The following EFCAB6 variants were observed in gnomAD, a reference collection of about 807,000 sequenced individuals.
EFCAB6 encodes EF-hand calcium binding domain 6.
A neutral mutation model predicts 169.8 loss-of-function variants in EFCAB6; 156 were observed. The observed-to-expected ratio is 0.92, with a 90% CI of 0.81 to 1.05. The LOEUF (loss-of-function observed/expected upper bound fraction) is 1.05, where lower values mean the gene tolerates loss of function less well. Ranked by LOEUF, EFCAB6 falls within the 50% of genes least tolerant of loss-of-function variation. The pLI is 0.00. For synonymous variants in EFCAB6, 698 were observed against 676.4 expected (o/e 1.03, Z -0.50); for missense variants, 1,800 against 1,829.1 (o/e 0.98, Z 0.29).
intron 24 of EFCAB6, among the ~76,000 whole-genome samples, chr22:43,586,452 G>A (rs1247545740): frequency 6.7e-6 from 1 of 148,918 alleles, no homozygotes; most frequent in East Asian, 2.0e-4. Flanking sequence ...GGGCTCAAGG[G>A]ATAAACAATG....
chr22:43,559,314 AC>A (rs2048891871), intron 26 of EFCAB6, among the ~76,000 whole-genome samples: 1 of 152,244 alleles, frequency 6.6e-6, no homozygotes, highest in Non-Finnish European at 1.5e-5. Flanking sequence ...ACAATAAGAT[AC>A]CCTCTTACGC....
At chr22:43,600,660 T>A (rs1465782163) in intron 22 of EFCAB6, among the ~76,000 whole-genome samples, 1 of 151,486 alleles carries the variant, frequency 6.6e-6, no homozygotes, top group African/African-American at 2.4e-5. Context: ...TTTTTTTTTG[T>A]TTTTTGTTTT....
chr22:43,640,532 C>T (rs1197736581), intron 17 of EFCAB6, among the ~76,000 whole-genome samples: 2 of 152,200 alleles, frequency 1.3e-5, no homozygotes, highest in Non-Finnish European at 2.9e-5. Context: ...CTCTGGATCT[C>T]TCCTTTTCAA....
At chr22:43,763,823 G>T (rs1014187850) in intron 5 of EFCAB6, among the ~76,000 whole-genome samples, 5 of 151,892 alleles carry the variant, frequency 3.3e-5, no homozygotes, top group Non-Finnish European at 5.9e-5. Flanking sequence ...CCAGGCTGGA[G>T]TGCAGTGGCA....
intron 17 of EFCAB6, among the ~76,000 whole-genome samples, chr22:43,659,373 C>T (rs915842872): frequency 6.6e-6 from 1 of 152,186 alleles, no homozygotes; most frequent in Non-Finnish European, 1.5e-5. Context: ...TCTAATTCAG[C>T]TGGGCATGGG....
intron 17 of EFCAB6, among the ~76,000 whole-genome samples, chr22:43,639,567 T>C (rs1279928678): frequency 6.6e-6 from 1 of 152,250 alleles, no homozygotes; most frequent in Non-Finnish European, 1.5e-5. Flanking sequence ...ATTTTTCTCA[T>C]GCTGCTTTTA....
chr22:43,728,586 T>C (rs2059823241), intron 8 of EFCAB6, among the ~76,000 whole-genome samples: 1 of 152,214 alleles, frequency 6.6e-6, no homozygotes, highest in African/African-American at 2.4e-5. Context: ...GTTTCCTGAC[T>C]TTTTAATGAT....
At chr22:43,595,417 T>TA (rs2051922956) in intron 23 of EFCAB6, among the ~76,000 whole-genome samples, 1 of 151,890 alleles carries the variant, frequency 6.6e-6, no homozygotes, top group Admixed American at 6.5e-5. Context: ...AAATCAGAGA[T>TA]AAAAAAGGAA....
chr22:43,688,924 GACAA>G (rs1453338906), intron 10 of EFCAB6, among the ~76,000 whole-genome samples: 2 of 152,202 alleles, frequency 1.3e-5, no homozygotes, highest in African/African-American at 2.4e-5. Flanking sequence ...GAACTGGTTA[GACAA>G]ACAAATTCTT....
chr22:43,777,217 C>T (rs1249510377), intron 3 of EFCAB6, among the ~76,000 whole-genome samples: 3 of 152,146 alleles, frequency 2.0e-5, no homozygotes, highest in Non-Finnish European at 4.4e-5. Context: ...ACGGGGGAGT[C>T]GAGAGACCCG....
chr22:43,642,406 A>G (rs80053685), intron 17 of EFCAB6, among the ~76,000 whole-genome samples: 3 of 151,898 alleles, frequency 2.0e-5, no homozygotes, highest in African/African-American at 7.3e-5. Context: ...AAAAAAAAAA[A>G]GTCTGCCTTG....
intron 26 of EFCAB6, among the ~76,000 whole-genome samples, chr22:43,559,019 T>C (rs2048872359): frequency 2.6e-5 from 4 of 152,092 alleles, no homozygotes; most frequent in African/African-American, 9.7e-5. Context: ...ATGAATGGGA[T>C]CTAATCAAAG....
chr22:43,759,113 T>C (rs1257148348), intron 5 of EFCAB6: 1 of 152,222 alleles, frequency 6.6e-6, no homozygotes, highest in African/African-American at 2.4e-5. Flanking sequence ...CAAAAGCCTT[T>C]CTTATTTCTT....
chr22:43,584,361 C>A (rs979720671), intron 24 of EFCAB6, among the ~76,000 whole-genome samples: 2 of 152,162 alleles, frequency 1.3e-5, no homozygotes, highest in African/African-American at 4.8e-5. Flanking sequence ...ACATGGTAAT[C>A]TTGGCAAATT....
At chr22:43,593,827 G>A (rs2093371042) in intron 23 of EFCAB6, among the ~76,000 whole-genome samples, 2 of 152,182 alleles carry the variant, frequency 1.3e-5, no homozygotes, top group Admixed American at 6.5e-5. Context: ...GCAAGATGGA[G>A]CTAAGACAGA....
intron 6 of EFCAB6, among the ~76,000 whole-genome samples, chr22:43,752,550 T>A (rs1272672520): frequency 6.6e-6 from 1 of 152,240 alleles, no homozygotes; most frequent in Non-Finnish European, 1.5e-5. Context: ...TGGTCCTGGC[T>A]GCTGGCGGGA....
rs553074087 is a variant in EFCAB6, at chr22:43,691,105, C to T, written c.1032-3524G>A. Among the ~76,000 whole-genome samples, 16 of 152,098 alleles carry T rather than the reference C, an allele frequency of 1.1e-4. 1 individual carries two copies. The highest frequency in any genetic ancestry group is 5.8e-4 in the East Asian group (3 of 5,154). On this transcript the variant is annotated intron_variant, in intron 10 of 31. Transcript: ENST00000262726. ...TGGACATGATCATGAGAAAGAGAGA[C>T]GGAGACTGATTAATTGATTTTGTTA...
At position 43,808,526 on chromosome 22, in the gene EFCAB6, G is replaced by A. The variant is rs147514969; in HGVS notation, c.-8+469C>T. On this transcript the variant is annotated intron_variant, in intron 2 of 31. Coordinates refer to ENST00000262726, the MANE Select transcript of EFCAB6 (RefSeq NM_022785.4). ...AATGGTAAATGCCACTGCTCCAAAGGTGTAGATGGATCACAGGTGATATTC... is the reference window on the plus strand; with the variant it reads ...AATGGTAAATGCCACTGCTCCAAAGATGTAGATGGATCACAGGTGATATTC... Among the ~76,000 whole-genome samples the A allele has an allele frequency of 8.9e-3, 1,359 of 152,298 alleles. 21 individuals carry two copies. Among genetic ancestry groups the A allele is most frequent in the African/African-American group, 0.032 (1,312 of 41,562 alleles).
At chr22:43,635,713 CT>C (rs2055341627) in intron 17 of EFCAB6, among the ~76,000 whole-genome samples, 1 of 152,152 alleles carries the variant, frequency 6.6e-6, no homozygotes, top group Non-Finnish European at 1.5e-5. Flanking sequence ...CATGAATGCT[CT>C]TTTTTCTTCT....
Sources: allele counts gnomAD v4.1 joint callset (sites outside exome capture counted in the v4.1 genomes callset), GRCh38; gene constraint gnomAD v4.1.1; transcripts MANE v1.5; gene names NCBI Gene and HGNC (gene_info 2026-07-23, HGNC 2026-07-21).